The following LRBA variants were observed in gnomAD, a reference collection of about 807,000 sequenced individuals.
The protein encoded by LRBA is LPS responsive beige-like anchor protein, also known as lipopolysaccharide-responsive and beige-like anchor protein.
Under a neutral mutation model 330.0 loss-of-function variants are expected in LRBA, and 176 were observed. The observed-to-expected ratio is 0.53, with a 90% CI of 0.47 to 0.60. The LOEUF is 0.60. Ranked by LOEUF, LRBA falls within the 20% of genes least tolerant of loss-of-function variation. LRBA has a pLI of 0.00. For synonymous variants in LRBA, 1,230 were observed against 1,193.0 expected (o/e 1.03, Z -0.64); for missense variants, 3,259 against 3,444.8 (o/e 0.95, Z 1.35).
chr4:150,379,132 G>A (rs1264275173), intron 47 of LRBA, among the ~76,000 whole-genome samples: 4 of 151,480 alleles, frequency 2.6e-5, no homozygotes, highest in African/African-American at 9.7e-5. Flanking sequence ...GTGAAACCCT[G>A]CCTCTACTAA....
intron 17 of LRBA, among the ~76,000 whole-genome samples, chr4:150,888,141 G>C (rs1464567184): frequency 6.7e-6 from 1 of 149,040 alleles, no homozygotes; most frequent in East Asian, 1.9e-4. Context: ...AAAGGAAAAA[G>C]GTAAGGAAAA....
intron 36 of LRBA, among the ~76,000 whole-genome samples, chr4:150,685,034 C>G (rs1490005019): frequency 6.6e-6 from 1 of 152,040 alleles, no homozygotes; most frequent in Non-Finnish European, 1.5e-5. Flanking sequence ...TTTAGTTGGA[C>G]AGTTGGTTCC....
intron 36 of LRBA, among the ~76,000 whole-genome samples, chr4:150,693,588 T>TAAAAAAAAAA (rs1784349478): frequency 1.2e-5 from 1 of 80,564 alleles, no homozygotes. Context: ...AAAAAAAAAT[T>TAAAAAAAAAA]GGGCAAGAAA....
intron 35 of LRBA, among the ~76,000 whole-genome samples, chr4:150,742,291 A>G (rs1732115616): frequency 1.3e-5 from 2 of 151,510 alleles, no homozygotes; most frequent in East Asian, 1.9e-4. Flanking sequence ...GACTATATAC[A>G]TGTGCCATCG....
chr4:150,797,075 A>C (rs1178102948), intron 34 of LRBA, among the ~76,000 whole-genome samples: 1 of 151,896 alleles, frequency 6.6e-6, no homozygotes, highest in East Asian at 1.9e-4. Flanking sequence ...AATCTCTAGA[A>C]GTAATTGTTC....
chr4:150,742,470 A>G (rs1041609725), intron 35 of LRBA, among the ~76,000 whole-genome samples: 67 of 152,230 alleles, frequency 4.4e-4, no homozygotes, highest in African/African-American at 1.3e-3. Context: ...TTAAATTTAT[A>G]TAACAAAAGT....
intron 2 of LRBA, among the ~76,000 whole-genome samples, chr4:150,988,099 A>G (rs1741661950): frequency 6.6e-6 from 1 of 152,112 alleles, no homozygotes; most frequent in Non-Finnish European, 1.5e-5. Flanking sequence ...TTAGACTTCT[A>G]TCTCAAATAC....
intron 37 of LRBA, among the ~76,000 whole-genome samples, chr4:150,678,534 G>C (rs1782772898): frequency 6.6e-6 from 1 of 152,150 alleles, no homozygotes; most frequent in South Asian, 2.1e-4. Flanking sequence ...TAAACACTAA[G>C]TCATGCAAAG....
chr4:150,376,894 G>A (rs1414885922), intron 47 of LRBA, among the ~76,000 whole-genome samples: 1 of 152,020 alleles, frequency 6.6e-6, no homozygotes, highest in Non-Finnish European at 1.5e-5. Context: ...TTTTAGGTTG[G>A]TGGAAGTGAA....
At chr4:150,729,669 G>A (rs981357554) in intron 36 of LRBA, among the ~76,000 whole-genome samples, 1 of 152,196 alleles carries the variant, frequency 6.6e-6, no homozygotes, top group East Asian at 1.9e-4. Flanking sequence ...GGAATCACAA[G>A]AGACTCAAAA....
chr4:150,409,693 T>A (rs553252928), intron 47 of LRBA, among the ~76,000 whole-genome samples: 10 of 152,188 alleles, frequency 6.6e-5, no homozygotes, highest in Non-Finnish European at 1.5e-4. Context: ...ATGGTTTTTA[T>A]ATTTTTACAT....
chr4:150,488,438 T>G (rs1475496592), intron 41 of LRBA, among the ~76,000 whole-genome samples: 1 of 151,646 alleles, frequency 6.6e-6, no homozygotes, highest in Non-Finnish European at 1.5e-5. Flanking sequence ...AGGAACATTT[T>G]TCCTCTGCAG....
intron 17 of LRBA, among the ~76,000 whole-genome samples, chr4:150,882,025 G>T (rs1489474388): frequency 6.6e-6 from 1 of 151,954 alleles, no homozygotes; most frequent in African/African-American, 2.4e-5. Context: ...GGCAGAAGTT[G>T]CAGTGAGCTG....
At chr4:150,726,746 T>G (rs1729730133) in intron 36 of LRBA, among the ~76,000 whole-genome samples, 1 of 152,098 alleles carries the variant, frequency 6.6e-6, no homozygotes. Context: ...TCCAATCACT[T>G]GCCTCCCTTG....
rs1257290626 is a variant in LRBA at position 150,540,150 on chromosome 4, T to C, written c.6330+47898A>G. On this transcript the variant is annotated intron_variant, in intron 40 of 56. Transcript: ENST00000651943. ...TAATAATATAAACTGACCATTATTT[T>C]TGCATTCTCGAAAACAGACCATAAT... Among the ~76,000 whole-genome samples, 8 of 152,212 alleles carry C rather than the reference T, an allele frequency of 5.3e-5. 1 individual carries two copies. The highest frequency in any genetic ancestry group is 2.1e-4 in the South Asian group (1 of 4,834).
intron 32 of LRBA, among the ~76,000 whole-genome samples, chr4:150,807,994 C>G (rs958114872): frequency 1.1e-4 from 16 of 152,224 alleles, no homozygotes; most frequent in African/African-American, 3.6e-4. Context: ...TCCACACTTT[C>G]AATTTGCAAT....
chr4:150,549,039 C>G (rs960470138), intron 40 of LRBA, among the ~76,000 whole-genome samples: 1 of 151,928 alleles, frequency 6.6e-6, no homozygotes, highest in South Asian at 2.1e-4. Flanking sequence ...ATGTTCCAAC[C>G]GTAAATATTT....
chr4:150,493,200 T>G (rs1167637306), intron 40 of LRBA, among the ~76,000 whole-genome samples: 1 of 152,100 alleles, frequency 6.6e-6, no homozygotes, highest in Admixed American at 6.6e-5. Flanking sequence ...CCCAGGGTGG[T>G]CTTGAACTCC....
chr4:150,569,493 A>G (rs1422616834), intron 40 of LRBA, among the ~76,000 whole-genome samples: 2 of 152,146 alleles, frequency 1.3e-5, no homozygotes, highest in African/African-American at 4.8e-5. Context: ...CGTAAGTCAC[A>G]ACTGATTGGA....
Sources: allele counts gnomAD v4.1 joint callset (sites outside exome capture counted in the v4.1 genomes callset), GRCh38; gene constraint gnomAD v4.1.1; transcripts MANE v1.5; gene names NCBI Gene and HGNC (gene_info 2026-07-23, HGNC 2026-07-21).